SPATA13: variants seen among roughly 807,000 people sequenced by gnomAD.
SPATA13 encodes the protein spermatogenesis associated 13, also known as spermatogenesis-associated protein 13.
A neutral mutation model predicts 104.0 loss-of-function variants in SPATA13; 50 were observed. That is an observed-to-expected ratio of 0.48 (90% CI 0.38 to 0.61). SPATA13 has a LOEUF of 0.61. Ranked by LOEUF, SPATA13 falls within the 20% of genes least tolerant of loss-of-function variation. The pLI, the probability that SPATA13 is intolerant of heterozygous loss-of-function variation, is 0.00. For synonymous variants in SPATA13, 606 were observed against 667.5 expected, an observed-to-expected ratio of 0.91 and a Z score of 1.42; for missense variants, 1,524 against 1,690.6, an observed-to-expected ratio of 0.90 and a Z score of 1.73.
chr13:24,175,997 C>T (rs1020957630), intron 1 of SPATA13, among the ~76,000 whole-genome samples: 9 of 152,232 alleles, frequency 5.9e-5, no homozygotes, highest in African/African-American at 2.2e-4. Context: ...AACAGAGTCA[C>T]CTTCAACTCA....
intron 2 of SPATA13, among the ~76,000 whole-genome samples, chr13:24,232,581 G>T (rs1055726791): frequency 2.0e-5 from 3 of 152,014 alleles, no homozygotes; most frequent in African/African-American, 7.2e-5. Flanking sequence ...TCACTCTCTT[G>T]CCCAGGCTGG....
chr13:24,295,903 C>CA (rs778663201), intron 10 of SPATA13, among the ~76,000 whole-genome samples: 10 of 152,116 alleles, frequency 6.6e-5, no homozygotes, highest in Non-Finnish European at 1.3e-4. Flanking sequence ...CCACACAGCT[C>CA]AAAAGTAGCA....
chr13:24,015,124 C>T (rs1176703418), intron 2 of SPATA13, among the ~76,000 whole-genome samples: 1 of 152,070 alleles, frequency 6.6e-6, no homozygotes, highest in Non-Finnish European at 1.5e-5. Context: ...GATTTCCTGA[C>T]CTCATGATCT....
chr13:24,162,829 C>T (rs1372917937), intron 1 of SPATA13, among the ~76,000 whole-genome samples: 2 of 152,236 alleles, frequency 1.3e-5, no homozygotes, highest in Non-Finnish European at 2.9e-5. Flanking sequence ...CTCTTCTCAC[C>T]AGACAGTGGA....
intron 4 of SPATA13, chr13:24,270,955 C>T (rs781348587): frequency 1.2e-4 from 175 of 1,427,668 alleles, no homozygotes; most frequent in Admixed American, 4.4e-4. Context: ...GACATGTTGC[C>T]GATTCAGCTC....
chr13:24,141,143 CA>C (rs1450356229), intron 3 of SPATA13, among the ~76,000 whole-genome samples: 1 of 149,546 alleles, frequency 6.7e-6, no homozygotes, highest in African/African-American at 2.5e-5. Flanking sequence ...CACTGCACTC[CA>C]GCTTCGGTGG....
intron 3 of SPATA13, among the ~76,000 whole-genome samples, chr13:24,090,883 G>A (rs1467616666): frequency 3.3e-5 from 5 of 152,152 alleles, no homozygotes; most frequent in South Asian, 2.1e-4. Flanking sequence ...AAAACTGGAT[G>A]TTTCAAATAT....
At chr13:24,057,060 T>C (rs1279802010) in intron 3 of SPATA13, among the ~76,000 whole-genome samples, 3 of 151,086 alleles carry the variant, frequency 2.0e-5, no homozygotes, top group South Asian at 2.1e-4. Context: ...GCTCTTTCTT[T>C]TTTTTTTTTC....
At position 24,302,580 on chromosome 13, in the gene SPATA13, T is replaced by C; in HGVS notation, c.3659-18T>C. ...CGACCCTCAGTCCCTGTTCCATCTC[T>C]CTCCCCTCCCGAGTCAGGCTACAAC... On this transcript the variant is annotated intron_variant, in intron 12 of 12. Coordinates refer to ENST00000382108, the MANE Select transcript of SPATA13 (RefSeq NM_001166271.3). 3.2e-6 allele frequency: 5 copies of C among 1,551,450 alleles called. No individual in the cohort carries two copies. The highest frequency in any genetic ancestry group is 4.4e-6 in the Non-Finnish European group (5 of 1,144,182).
intron 3 of SPATA13, among the ~76,000 whole-genome samples, chr13:24,035,413 G>A (rs1213274555): frequency 2.6e-5 from 4 of 152,170 alleles, no homozygotes; most frequent in South Asian, 2.1e-4. Context: ...TCGGCCACCC[G>A]AAGTACTGGG....
At chr13:24,098,011 A>G (rs1880138028) in intron 3 of SPATA13, among the ~76,000 whole-genome samples, 1 of 152,196 alleles carries the variant, frequency 6.6e-6, no homozygotes, top group East Asian at 1.9e-4. Context: ...TTGACTCTGC[A>G]TCCTCCTCAC....
chr13:24,283,480 G>A (rs146677919), intron 4 of SPATA13, among the ~76,000 whole-genome samples: 2 of 152,352 alleles, frequency 1.3e-5, no homozygotes, highest in African/African-American at 4.8e-5. Context: ...GTGACAGATT[G>A]TTGGCTTTGC....
Position 24,303,442 on chromosome 13 carries a change from C to G in SPATA13, c.*669C>G, listed in dbSNP as rs965384587. The G allele has an allele frequency of 3.0e-5, 6 of 200,516 alleles. No individual in the cohort carries two copies. The highest frequency in any genetic ancestry group is 6.4e-5 in the Non-Finnish European group (6 of 93,592). 12.4% of individuals were successfully genotyped at this position (200,516 alleles called of 1,614,324 possible). Reference sequence around the variant, plus strand: ...TGCATCTGTCACCTTCATCAGGGTCCTCAGTGCAGAGCAACTTACGCATCC... The same window carrying G: ...TGCATCTGTCACCTTCATCAGGGTCGTCAGTGCAGAGCAACTTACGCATCC... On this transcript the variant is annotated 3_prime_UTR_variant, in exon 13 of 13. Transcript: ENST00000382108.
chr13:24,018,902 T>A (rs1299007560), intron 3 of SPATA13, among the ~76,000 whole-genome samples: 1 of 152,200 alleles, frequency 6.6e-6, no homozygotes, highest in African/African-American at 2.4e-5. Flanking sequence ...GAAATAATTA[T>A]GACAAAGTAT....
chr13:24,185,519 G>A (rs1422712460), intron 1 of SPATA13, among the ~76,000 whole-genome samples: 5 of 152,032 alleles, frequency 3.3e-5, no homozygotes, highest in Admixed American at 2.6e-4. Context: ...ATAACTACTC[G>A]TTTAATTTTA....
intron 3 of SPATA13, among the ~76,000 whole-genome samples, chr13:24,250,435 A>G (rs1873416007): frequency 1.3e-5 from 2 of 152,334 alleles, no homozygotes; most frequent in Admixed American, 6.5e-5. Context: ...GAAAATACAA[A>G]ACATTTAATT....
intron 3 of SPATA13, among the ~76,000 whole-genome samples, chr13:24,113,278 C>T (rs1030961465): frequency 6.6e-6 from 1 of 152,224 alleles, no homozygotes; most frequent in African/African-American, 2.4e-5. Context: ...TTAGTAGTGA[C>T]ACCAATTCTC....
At chr13:24,042,443 CA>C (rs35028588) in intron 3 of SPATA13, among the ~76,000 whole-genome samples, 71,387 of 151,990 alleles carry the variant, frequency 0.47, 17,552 homozygotes, top group African/African-American at 0.61. Context: ...CTTCTGTTTC[CA>C]AAGCAAACCA....
intron 2 of SPATA13, among the ~76,000 whole-genome samples, chr13:24,227,774 T>C (rs1872027399): frequency 6.6e-6 from 1 of 152,166 alleles, no homozygotes; most frequent in Admixed American, 6.5e-5. Flanking sequence ...TTTTGCCGTG[T>C]TGGTCAGGTG....
Sources: allele counts gnomAD v4.1 joint callset (sites outside exome capture counted in the v4.1 genomes callset), GRCh38; gene constraint gnomAD v4.1.1; transcripts MANE v1.5; gene names NCBI Gene and HGNC (gene_info 2026-07-23, HGNC 2026-07-21).